Variants in HNRNPR observed in about 807,000 individuals in gnomAD.
HNRNPR encodes heterogeneous nuclear ribonucleoprotein R.
HNRNPR carries 4 observed loss-of-function variants against 70.3 expected under a neutral mutation model. The observed-to-expected ratio is 0.06, with a 90% CI of 0.03 to 0.13. The LOEUF is 0.13. HNRNPR is among the 10% of genes least tolerant of loss of function. HNRNPR has a pLI of 1.00. For synonymous variants in HNRNPR, 241 were observed against 267.6 expected, an observed-to-expected ratio of 0.90 and a Z score of 0.97; for missense variants, 423 against 788.5, an observed-to-expected ratio of 0.54 and a Z score of 5.55.
chr1:23,316,336 G>A (rs962278581), intron 8 of HNRNPR, among the ~76,000 whole-genome samples: 4 of 151,916 alleles, frequency 2.6e-5, no homozygotes, highest in African/African-American at 9.7e-5. Context: ...ACAATAAAGG[G>A]CTCCATAATA....
Position 23,323,630 on chromosome 1 carries a change from G to C in HNRNPR, c.601C>G (p.Leu201Val), listed in dbSNP as rs1202233457. The change falls in exon 6 of 11, where the codon CTG becomes GTG. Residue 201 changes from leucine (L) to valine (V), a missense_variant. Physicochemically the swap from Leu to Val is conservative, Grantham distance 32. This residue lies in a region of HNRNPR where 118 missense variants were observed against 239.3 expected (regional missense o/e 0.49). Transcript: ENST00000302271. ...IWDLRLMMDPLSGQNRGYAFI... is the reference protein window; with the variant it reads ...IWDLRLMMDPVSGQNRGYAFI... The stretch of plus-strand genomic sequence containing the variant: ...GCATACCCTCTATTCTGACCGGACA[G>C]TGGATCCATCATAAGACGTAGATCC... 1 of 1,614,002 alleles carries C rather than the reference G, an allele frequency of 6.2e-7. No individual in the cohort carries two copies. The highest frequency in any genetic ancestry group is 8.5e-7 in the Non-Finnish European group (1 of 1,179,984).
intron 5 of HNRNPR, 139 bp downstream of exon 5, chr1:23,333,379 C>T: frequency 7.0e-6 from 4 of 574,906 alleles, no homozygotes; most frequent in Admixed American, 2.8e-5. Context: ...CAGCAAAATA[C>T]AAATGGATAT....
rs200029979 is a variant in HNRNPR, at chr1:23,323,541, A to G, written c.675+15T>C. On this transcript the variant is annotated intron_variant, in intron 6 of 10. Coordinates refer to ENST00000302271, the MANE Select transcript of HNRNPR (RefSeq NM_005826.5). Reference sequence around the variant, plus strand: ...AAATAGTGACTTGCTAAGACAGTGGATAATTATCACATACCAGTTTCACGG... The same window carrying G: ...AAATAGTGACTTGCTAAGACAGTGGGTAATTATCACATACCAGTTTCACGG... 4.9e-5 allele frequency: 79 copies of G among 1,605,776 alleles called. No individual in the cohort carries two copies. The highest frequency in any genetic ancestry group is 3.7e-4 in the Admixed American group (22 of 59,206).
chr1:23,322,671 A>G (rs962119278), intron 6 of HNRNPR, among the ~76,000 whole-genome samples: 3 of 152,222 alleles, frequency 2.0e-5, no homozygotes, highest in African/African-American at 7.2e-5. Context: ...GAAAAAATCC[A>G]TAATAAAAAC....
chr1:23,322,308 T>C (rs768478929), intron 6 of HNRNPR, among the ~76,000 whole-genome samples: 1 of 152,104 alleles, frequency 6.6e-6, no homozygotes, highest in Admixed American at 6.5e-5. Context: ...TGATCTTTGC[T>C]CACTGCAACC....
intron 4 of HNRNPR, among the ~76,000 whole-genome samples, chr1:23,335,994 G>A (rs1039673448): frequency 6.7e-6 from 1 of 148,760 alleles, no homozygotes; most frequent in Admixed American, 6.7e-5. Flanking sequence ...GCGGGCGCCT[G>A]TAGTCCCAGC....
chr1:23,334,891 A>G (rs1646401110), intron 4 of HNRNPR, among the ~76,000 whole-genome samples: 1 of 152,078 alleles, frequency 6.6e-6, no homozygotes, highest in Non-Finnish European at 1.5e-5. Flanking sequence ...CAATCTACCT[A>G]GAAAAGAGAA....
chr1:23,335,474 T>C lies in HNRNPR; in HGVS notation c.385-1843A>G, dbSNP rs536019362. 2.0e-5 allele frequency among the ~76,000 whole-genome samples: 3 copies of C among 152,324 alleles called. No homozygotes were observed. In the East Asian group the frequency reaches 5.8e-4, roughly 29 times the overall value. On this transcript the variant is annotated intron_variant, in intron 4 of 10. Coordinates refer to ENST00000302271, the MANE Select transcript of HNRNPR (RefSeq NM_005826.5). ...GCGGGCAAGTGAGAACAAAGCTTCA[T>C]CTGTATTTACAGCCGCTCCTCATCC...
Position 23,309,752 on chromosome 1 carries a change from T to C in HNRNPR, c.*702A>G, listed in dbSNP as rs1645265188. On this transcript the variant is annotated 3_prime_UTR_variant, in exon 11 of 11. Transcript: ENST00000302271. ...CTTGCAAGGATTACGAATAAAATAA[T>C]GTTTTAGGACACAATTGAATTTGAA... is the stretch of plus-strand genomic sequence containing the variant. 6.6e-6 allele frequency: 1 copy of C among 152,630 alleles called. No homozygotes were observed. Among genetic ancestry groups the C allele is most frequent in the Non-Finnish European group, 1.5e-5 (1 of 68,020 alleles). The allele number at this position is 152,630 out of a possible 1,614,324, so 9.5% of individuals were successfully genotyped here.
intron 5 of HNRNPR, among the ~76,000 whole-genome samples, chr1:23,331,457 A>C (rs1178256905): frequency 6.6e-6 from 1 of 150,968 alleles, no homozygotes; most frequent in South Asian, 2.1e-4. Flanking sequence ...CGAGGCAGGC[A>C]GATCACCTGA....
At chr1:23,340,395 CCA>C (rs1272675916) in intron 2 of HNRNPR, among the ~76,000 whole-genome samples, 2 of 151,958 alleles carry the variant, frequency 1.3e-5, no homozygotes, top group South Asian at 2.1e-4. Flanking sequence ...ACTAGACAAG[CCA>C]CAAACTCTCA....
intron 4 of HNRNPR, among the ~76,000 whole-genome samples, chr1:23,334,234 CTT>C (rs35129252): frequency 3.3e-4 from 35 of 105,194 alleles, no homozygotes; most frequent in African/African-American, 1.2e-3. Context: ...TTCTAGTGTA[CTT>C]TTTTTTTTTT....
intron 5 of HNRNPR, among the ~76,000 whole-genome samples, chr1:23,326,535 A>T (rs549839698): frequency 6.6e-6 from 1 of 152,294 alleles, no homozygotes; most frequent in East Asian, 1.9e-4. Flanking sequence ...CTGTAATCCC[A>T]GCACTTTGGG....
intron 1 of HNRNPR, among the ~76,000 whole-genome samples, chr1:23,342,500 TG>T (rs1646740639): frequency 6.6e-6 from 1 of 152,164 alleles, no homozygotes; most frequent in Admixed American, 6.5e-5. Context: ...CAAATTCTGA[TG>T]AACTAGCAAA....
chr1:23,313,700 T>C lies in HNRNPR; in HGVS notation c.1020A>G (p.Val340=), dbSNP rs758563461. 7 of 1,597,546 alleles carry C rather than the reference T, an allele frequency of 4.4e-6. No individual in the cohort carries two copies. The South Asian group carries it at 6.9e-5, about 16-fold the overall frequency. The change falls in exon 9 of 11, where the codon GTA becomes GTG. Residue 340 remains valine (V), a splice_region_variant and synonymous_variant. Coordinates refer to ENST00000302271, the MANE Select transcript of HNRNPR (RefSeq NM_005826.5). ...EEPDPEVMAK[V]KVLFVRNLAT... ...CCAAGTTTCTCACAAACAAAACTTTTACCTAGTAAGCAACAAATAAACAAA... is the reference window on the plus strand; with the variant it reads ...CCAAGTTTCTCACAAACAAAACTTTCACCTAGTAAGCAACAAATAAACAAA...
chr1:23,309,365 C>T lies in HNRNPR; in HGVS notation c.*1089G>A, dbSNP rs531257075. 6.6e-6 allele frequency: 1 copy of T among 152,254 alleles called. No individual in the cohort carries two copies. Among genetic ancestry groups the T allele is most frequent in the Admixed American group, 6.5e-5 (1 of 15,296 alleles). 9.4% of individuals were successfully genotyped at this position (152,254 alleles called of 1,614,324 possible). ...GTACTAACAATTTTCCCTGTATGTA[C>T]ATTCACTTATCCAGCAAATAAGGTC... On this transcript the variant is annotated 3_prime_UTR_variant, in exon 11 of 11. Transcript: ENST00000302271.
chr1:23,336,115 T>C (rs1157053171), intron 4 of HNRNPR, among the ~76,000 whole-genome samples: 1 of 6,042 alleles, frequency 1.7e-4, no homozygotes, highest in Non-Finnish European at 5.5e-4. Flanking sequence ...AGACTCCGTC[T>C]CAAAAAAAAA....
At chr1:23,316,054 T>C (rs1466487941) in intron 8 of HNRNPR, among the ~76,000 whole-genome samples, 1 of 152,228 alleles carries the variant, frequency 6.6e-6, no homozygotes, top group Admixed American at 6.5e-5. Flanking sequence ...TTATGGTACA[T>C]TGTAAAACTG....
At chr1:23,331,633 G>A (rs900751156) in intron 5 of HNRNPR, among the ~76,000 whole-genome samples, 1 of 151,578 alleles carries the variant, frequency 6.6e-6, no homozygotes, top group Non-Finnish European at 1.5e-5. Context: ...GTTGCAGTGA[G>A]ACGAAATTGC....
Sources: allele counts gnomAD v4.1 joint callset (sites outside exome capture counted in the v4.1 genomes callset), GRCh38; gene constraint gnomAD v4.1.1; regional missense constraint gnomAD v4.1.1; transcripts MANE v1.5; gene names NCBI Gene and HGNC (gene_info 2026-07-23, HGNC 2026-07-21).